FGF14: variants seen among roughly 807,000 people sequenced by gnomAD.
FGF14 encodes fibroblast growth factor 14, also known as fibroblast growth factor homologous factor 4.
Under a neutral mutation model 25.5 loss-of-function variants are expected in FGF14, and 5 were observed. The ratio of observed to expected loss-of-function variants is 0.20; its 90% CI spans 0.10 to 0.41. FGF14 has a LOEUF of 0.41. Among genes scored for constraint, FGF14 ranks in the 10% least tolerant of loss-of-function variants. The probability of loss-of-function intolerance (pLI) is 1.00; values close to 1 mark genes in which losing one functional copy is unlikely to be tolerated. For synonymous variants in FGF14, 138 were observed against 118.3 expected (o/e 1.17, Z -1.08); for missense variants, 222 against 320.1 (o/e 0.69, Z 2.34).
chr13:102,245,390 T>C (rs2051815664), intron 1 of FGF14, among the ~76,000 whole-genome samples: 1 of 152,096 alleles, frequency 6.6e-6, no homozygotes, highest in Non-Finnish European at 1.5e-5. Flanking sequence ...CTTTTAAAAA[T>C]GTAGACTAAG....
At chr13:102,356,047 T>A (rs1269532023) in intron 1 of FGF14, among the ~76,000 whole-genome samples, 2 of 152,310 alleles carry the variant, frequency 1.3e-5, no homozygotes, top group African/African-American at 4.8e-5. Flanking sequence ...TTGCTCAGGA[T>A]TATTATTTTT....
At chr13:101,999,921 G>C (rs1040351800) in intron 1 of FGF14, among the ~76,000 whole-genome samples, 1 of 152,070 alleles carries the variant, frequency 6.6e-6, no homozygotes, top group Non-Finnish European at 1.5e-5. Context: ...CAAATTCCTT[G>C]AGTTTCTTCA....
intron 3 of FGF14, among the ~76,000 whole-genome samples, chr13:101,766,381 G>A (rs1272263046): frequency 6.6e-6 from 1 of 152,072 alleles, no homozygotes. Flanking sequence ...TTCACATAGA[G>A]ACCTGAATAA....
chr13:102,044,267 G>A (rs1029296063), intron 1 of FGF14, among the ~76,000 whole-genome samples: 10 of 152,022 alleles, frequency 6.6e-5, no homozygotes, highest in African/African-American at 2.4e-4. Flanking sequence ...CCTCCTCCTG[G>A]TAGATGCTGT....
chr13:102,161,570 A>AAAGAAGAAAGAAGAAAGAAG (rs1555369389), intron 1 of FGF14, among the ~76,000 whole-genome samples: 4 of 5,652 alleles, frequency 7.1e-4, no homozygotes, highest in Admixed American at 3.9e-3. Flanking sequence ...TTCTGTGAAG[A>AAAGAAGAAAGAAGAAAGAAG]AAGAAAGAAG....
chr13:101,976,643 T>C (rs58725834), intron 1 of FGF14, among the ~76,000 whole-genome samples: 3,733 of 152,282 alleles, frequency 0.025, 155 homozygotes, highest in African/African-American at 0.084. Context: ...ACTTCTTAAA[T>C]CTTAGAATCA....
intron 1 of FGF14, among the ~76,000 whole-genome samples, chr13:101,993,932 A>T (rs920520988): frequency 2.0e-5 from 3 of 151,820 alleles, no homozygotes; most frequent in African/African-American, 7.3e-5. Context: ...ATAATAAAAT[A>T]AAAAAAAGAA....
At chr13:102,000,165 A>G (rs942879346) in intron 1 of FGF14, among the ~76,000 whole-genome samples, 1 of 152,026 alleles carries the variant, frequency 6.6e-6, no homozygotes, top group Non-Finnish European at 1.5e-5. Context: ...AAATACAAAA[A>G]AAAATTAGCC....
At position 101,815,198 on chromosome 13, in the gene FGF14, T is replaced by C. The variant is rs181407780; in HGVS notation, c.408+53527A>G. On this transcript the variant is annotated intron_variant, in intron 3 of 4. Coordinates refer to ENST00000376143, the MANE Select transcript of FGF14 (RefSeq NM_004115.4). ...GATGGGAGTCTACAGTAAGCATCCA[T>C]GTTTTTGGTAAATTACCATAACTGG... Among the ~76,000 whole-genome samples, 201 of 152,326 alleles carry C rather than the reference T, an allele frequency of 1.3e-3. 2 individuals carry two copies. The highest frequency in any genetic ancestry group is 0.012 in the Admixed American group (181 of 15,304).
intron 1 of FGF14, among the ~76,000 whole-genome samples, chr13:102,014,334 G>A (rs1230956678): frequency 6.6e-6 from 1 of 152,050 alleles, no homozygotes. Flanking sequence ...TTTTCCACTA[G>A]TGTAACAACT....
chr13:102,143,329 T>TTC (rs1185907235), intron 1 of FGF14, among the ~76,000 whole-genome samples: 4 of 152,138 alleles, frequency 2.6e-5, no homozygotes, highest in African/African-American at 4.8e-5. Flanking sequence ...CTATTAACCC[T>TTC]TCTACTCAGA....
At chr13:102,176,913 A>G (rs904979515) in intron 1 of FGF14, among the ~76,000 whole-genome samples, 4 of 152,156 alleles carry the variant, frequency 2.6e-5, no homozygotes, top group African/African-American at 9.7e-5. Context: ...AAATACTTGC[A>G]CAAACCTGTA....
Position 101,718,590 on chromosome 13 carries a change from C to T in FGF14, c.*4241G>A, listed in dbSNP as rs1258848155. The T allele has an allele frequency of 6.6e-6, 1 of 151,916 alleles. No homozygotes were observed. The highest frequency in any genetic ancestry group is 1.5e-5 in the Non-Finnish European group (1 of 67,990). 9.4% of individuals were successfully genotyped at this position (151,916 alleles called of 1,614,324 possible). ...AATCATCATCACTGAGGTATTCCAC[C>T]CAGAGACTTTTTCAAAAAAGTCAAC... On this transcript the variant is annotated 3_prime_UTR_variant, in exon 5 of 5. Coordinates refer to ENST00000376143, the MANE Select transcript of FGF14 (RefSeq NM_004115.4).
At chr13:102,055,905 C>T (rs994192292) in intron 1 of FGF14, among the ~76,000 whole-genome samples, 1 of 152,244 alleles carries the variant, frequency 6.6e-6, no homozygotes, top group South Asian at 2.1e-4. Flanking sequence ...GCACATCATA[C>T]CTGACAGCAG....
At chr13:102,047,552 C>T (rs2042039183) in intron 1 of FGF14, among the ~76,000 whole-genome samples, 1 of 152,046 alleles carries the variant, frequency 6.6e-6, no homozygotes, top group Non-Finnish European at 1.5e-5. Flanking sequence ...AGCTGGAAAC[C>T]ATCATTCTCA....
intron 1 of FGF14, among the ~76,000 whole-genome samples, chr13:102,383,102 A>G (rs1289418769): frequency 1.3e-5 from 2 of 152,190 alleles, no homozygotes; most frequent in East Asian, 3.8e-4. Flanking sequence ...TTTATGGTAT[A>G]TGAATTATAT....
At chr13:102,057,033 C>A (rs1349552693) in intron 1 of FGF14, among the ~76,000 whole-genome samples, 3 of 151,502 alleles carry the variant, frequency 2.0e-5, no homozygotes, top group Non-Finnish European at 4.4e-5. Flanking sequence ...TTTCTGAATT[C>A]TTTAGATCAT....
chr13:101,950,007 CTTTTTT>C (rs531514267), intron 1 of FGF14, among the ~76,000 whole-genome samples: 1 of 150,770 alleles, frequency 6.6e-6, no homozygotes, highest in African/African-American at 2.4e-5. Flanking sequence ...TTTTCTTTTT[CTTTTTT>C]TTTCATTTTC....
intron 1 of FGF14, among the ~76,000 whole-genome samples, chr13:101,968,854 C>CTT (rs10623595): frequency 0.51 from 67,530 of 131,814 alleles, 18,231 homozygotes; most frequent in East Asian, 0.71. Context: ...CATCAACAGC[C>CTT]TTTTTTTTTT....
Sources: allele counts gnomAD v4.1 joint callset (sites outside exome capture counted in the v4.1 genomes callset), GRCh38; gene constraint gnomAD v4.1.1; transcripts MANE v1.5; gene names NCBI Gene and HGNC (gene_info 2026-07-23, HGNC 2026-07-21).